The following MOCOS variants were observed in gnomAD, a reference collection of about 807,000 sequenced individuals.
The protein encoded by MOCOS is human molybdenum cofactor sulfurase.
Under a neutral mutation model 83.6 loss-of-function variants are expected in MOCOS, and 86 were observed. The ratio of observed to expected loss-of-function variants is 1.03; its 90% confidence interval spans 0.86 to 1.23. MOCOS has a LOEUF of 1.23. Ranked by LOEUF, MOCOS falls within the 50% of genes most tolerant of loss-of-function variation. The probability of loss-of-function intolerance (pLI) is 0.00; values close to 1 mark genes in which losing one functional copy is unlikely to be tolerated. For missense variants in MOCOS, 1,120 were observed against 1,126.9 expected (o/e 0.99, Z 0.09); for synonymous variants, 445 against 434.7 (o/e 1.02, Z -0.29).
intron 11 of MOCOS, among the ~76,000 whole-genome samples, chr18:36,251,901 C>T (rs979308188): frequency 6.6e-6 from 1 of 152,168 alleles, no homozygotes; most frequent in Non-Finnish European, 1.5e-5. Context: ...CTACCCTCTT[C>T]AGAACAGCAC....
chr18:36,199,707 C>T lies in MOCOS; in HGVS notation c.324C>T (p.Thr108=), dbSNP rs370068982. Residue 108 remains threonine, a synonymous_variant, in exon 4 of 15, where the codon ACC becomes ACT. Coordinates refer to ENST00000261326, the MANE Select transcript of MOCOS (RefSeq NM_017947.4). ...RYRILAHFHT[T]AEDYTVIFTA... ...GAATCCTGGCGCACTTCCACACCACCGCAGAAGACTACACTGTGATCTTCA... is the reference window on the plus strand; with the variant it reads ...GAATCCTGGCGCACTTCCACACCACTGCAGAAGACTACACTGTGATCTTCA... 10 of 1,613,862 alleles carry T rather than the reference C, an allele frequency of 6.2e-6. No individual in the cohort carries two copies. Among genetic ancestry groups the T allele is most frequent in the East Asian group, 2.2e-5 (1 of 44,898 alleles).
At chr18:36,254,399 A>T (rs755615045) in intron 11 of MOCOS, among the ~76,000 whole-genome samples, 15 of 151,220 alleles carry the variant, frequency 9.9e-5, no homozygotes, top group Non-Finnish European at 1.9e-4. Flanking sequence ...ATACTGCAGC[A>T]TTTTTTTAAA....
intron 1 of MOCOS, among the ~76,000 whole-genome samples, chr18:36,191,353 C>T (rs1465970998): frequency 6.6e-6 from 1 of 152,252 alleles, no homozygotes; most frequent in Non-Finnish European, 1.5e-5. Flanking sequence ...GCCTCCCTCT[C>T]ACGCCAGCTG....
chr18:36,210,661 G>A (rs1333757368), intron 6 of MOCOS, among the ~76,000 whole-genome samples: 2 of 151,666 alleles, frequency 1.3e-5, no homozygotes, highest in Non-Finnish European at 2.9e-5. Context: ...GACTATCCTG[G>A]CCAACATGGC....
intron 11 of MOCOS, among the ~76,000 whole-genome samples, chr18:36,252,408 A>G (rs1297165588): frequency 6.6e-6 from 1 of 152,114 alleles, no homozygotes; most frequent in African/African-American, 2.4e-5. Context: ...AAATACAAAA[A>G]TGAGCCAAGT....
intron 9 of MOCOS, among the ~76,000 whole-genome samples, chr18:36,233,205 C>T (rs1302833265): frequency 1.3e-5 from 2 of 152,104 alleles, no homozygotes; most frequent in African/African-American, 4.8e-5. Context: ...TCTCCAGAGT[C>T]CATTATGTCA....
intron 11 of MOCOS, among the ~76,000 whole-genome samples, chr18:36,255,750 C>G (rs1030295095): frequency 6.6e-6 from 1 of 152,152 alleles, no homozygotes; most frequent in Non-Finnish European, 1.5e-5. Flanking sequence ...TCCAGGCAAA[C>G]CTTTTCTTCA....
At chr18:36,250,992 C>T (rs1239073811) in intron 10 of MOCOS, among the ~76,000 whole-genome samples, 167 bp from the exon 11 acceptor site, 4 of 152,210 alleles carry the variant, frequency 2.6e-5, no homozygotes, top group African/African-American at 9.6e-5. Context: ...GATGGCAGGT[C>T]GTCCTGCCTT....
rs1218742287 is a variant in MOCOS, at chr18:36,195,400, C to T, written c.232+54C>T. 4.2e-6 allele frequency: 6 copies of T among 1,426,532 alleles called. No individual in the cohort carries two copies. In the African/African-American group the frequency reaches 7.0e-5, roughly 17 times the overall value. 88.4% of individuals were successfully genotyped at this position (1,426,532 alleles called of 1,614,324 possible). ...AGTCAACTACATGCAGCTGATATAC[C>T]TGTGCATGTTAAACGCTGGATTAAT... On this transcript the variant is annotated intron_variant, in intron 2 of 14. Coordinates refer to ENST00000261326, the MANE Select transcript of MOCOS (RefSeq NM_017947.4).
intron 1 of MOCOS, among the ~76,000 whole-genome samples, chr18:36,191,746 G>A (rs530857836): frequency 7.5e-4 from 13 of 17,404 alleles, no homozygotes; most frequent in East Asian, 4.8e-3. Context: ...CTTAAAATAC[G>A]TGTGCACACA....
intron 6 of MOCOS, among the ~76,000 whole-genome samples, chr18:36,211,672 G>A (rs538171733): frequency 1.3e-5 from 2 of 152,220 alleles, no homozygotes; most frequent in East Asian, 3.9e-4. Context: ...CCCCAGGGCT[G>A]AGGGCAAGAA....
rs1021390254 is a variant in MOCOS at position 36,220,049 on chromosome 18, G to A, written c.1798-6G>A. On this transcript the variant is annotated splice_polypyrimidine_tract_variant and splice_region_variant and intron_variant, in intron 8 of 14. Transcript: ENST00000261326. ...TGGCCTGAGACACGTCTACCTTTTT[G>A]TTTAGGTGACCAGGTGGCCTGTAGG... 6.2e-7 allele frequency: 1 copy of A among 1,612,498 alleles called. No individual in the cohort carries two copies. Among genetic ancestry groups the A allele is most frequent in the African/African-American group, 1.3e-5 (1 of 74,848 alleles).
chr18:36,252,435 A>G (rs2091625447), intron 11 of MOCOS, among the ~76,000 whole-genome samples: 1 of 152,126 alleles, frequency 6.6e-6, no homozygotes, highest in African/African-American at 2.4e-5. Flanking sequence ...GTGCATGCCT[A>G]TAGTCCCAGC....
At chr18:36,246,042 A>T (rs576983841) in intron 9 of MOCOS, among the ~76,000 whole-genome samples, 2 of 152,052 alleles carry the variant, frequency 1.3e-5, no homozygotes, top group South Asian at 4.2e-4. Context: ...GTATTTTTTT[A>T]AATTTCTTTA....
intron 13 of MOCOS, among the ~76,000 whole-genome samples, chr18:36,263,660 G>A (rs972277443): frequency 1.3e-5 from 2 of 152,178 alleles, no homozygotes; most frequent in Non-Finnish European, 2.9e-5. Flanking sequence ...GGATGTCCTG[G>A]GATGGTCTGC....
At position 36,213,481 on chromosome 18, in the gene MOCOS, AG is replaced by A. The variant is rs1458258065; in HGVS notation, c.1335+1del. ...AACGAGATGGTCAGGAAGCATTTTC[AG>A]GTTGGTACAGGGCTCTGCGATCCAG... ...ISNEMVRKHF[Q>X]AGHVCGDNMD... On this transcript the variant is annotated frameshift_variant and splice_region_variant, in exon 7 of 15. Transcript: ENST00000261326. LOFTEE classifies it high-confidence loss of function. 13 of 1,611,178 alleles carry A rather than the reference AG, an allele frequency of 8.1e-6. No individual in the cohort carries two copies. The highest frequency in any genetic ancestry group is 1.3e-5 in the African/African-American group (1 of 74,858).
At chr18:36,209,984 G>A (rs1277569868) in intron 6 of MOCOS, among the ~76,000 whole-genome samples, 2 of 152,144 alleles carry the variant, frequency 1.3e-5, no homozygotes, top group African/African-American at 4.8e-5. Flanking sequence ...GATTACAGGT[G>A]TGCACCACTG....
chr18:36,259,085 G>C (rs2091652850), intron 12 of MOCOS, among the ~76,000 whole-genome samples: 1 of 149,846 alleles, frequency 6.7e-6, no homozygotes, highest in Non-Finnish European at 1.5e-5. Flanking sequence ...GGTGGGGGTG[G>C]GGGGTGCAGA....
At chr18:36,222,746 C>A (rs944173961) in intron 9 of MOCOS, among the ~76,000 whole-genome samples, 2 of 151,612 alleles carry the variant, frequency 1.3e-5, no homozygotes, top group East Asian at 1.9e-4. Flanking sequence ...GGACTACAGG[C>A]GCCCGCCACT....
Sources: gnomAD v4.1 joint callset for allele counts (sites outside exome capture counted in the v4.1 genomes callset) on GRCh38, gnomAD v4.1.1 for gene constraint, MANE v1.5 for transcripts, NCBI Gene and HGNC (gene_info 2026-07-23, HGNC 2026-07-21) for gene names.